Variants in RANBP2 observed in about 807,000 individuals in gnomAD.
RANBP2 encodes E3 SUMO-protein ligase RanBP2.
RANBP2 carries 57 observed loss-of-function variants against 303.6 expected under a neutral mutation model. The ratio of observed to expected loss-of-function variants is 0.19; its 90% CI spans 0.15 to 0.23. RANBP2 has a LOEUF of 0.23. Ranked by LOEUF, RANBP2 falls within the 10% of genes least tolerant of loss-of-function variation. The pLI, the probability that RANBP2 is intolerant of heterozygous loss-of-function variation, is 1.00. For synonymous variants in RANBP2, 1,167 were observed against 1,301.5 expected (o/e 0.90, Z 2.23); for missense variants, 3,138 against 3,780.8 (o/e 0.83, Z 4.46).
chr2:109,663,925 G>A, the RANBP2 span, among the ~76,000 whole-genome samples: 1 of 152,170 alleles, frequency 6.6e-6, no homozygotes, highest in African/African-American at 2.4e-5. Flanking sequence ...CCCAAATGTC[G>A]CTGGACAGTA....
the RANBP2 span, among the ~76,000 whole-genome samples, chr2:109,343,761 T>C: frequency 5.3e-5 from 8 of 151,650 alleles, no homozygotes; most frequent in African/African-American, 1.9e-4. Flanking sequence ...TTTTTTTTCT[T>C]AGACACAGGT....
chr2:109,241,226 C>A, the RANBP2 span, among the ~76,000 whole-genome samples: 2 of 149,804 alleles, frequency 1.3e-5, no homozygotes, highest in Admixed American at 6.7e-5. Flanking sequence ...GTTTGTTTGT[C>A]TCTTGACCTA....
chr2:109,648,782 T>G, the RANBP2 span, among the ~76,000 whole-genome samples: 1 of 151,470 alleles, frequency 6.6e-6, no homozygotes, highest in Non-Finnish European at 1.5e-5. Context: ...GCCTCCCGAG[T>G]AGCTGGGATT....
the RANBP2 span, among the ~76,000 whole-genome samples, chr2:109,546,877 AATAAAG>A: frequency 6.6e-6 from 1 of 152,314 alleles, no homozygotes; most frequent in African/African-American, 2.4e-5. Flanking sequence ...CTACATAGCC[AATAAAG>A]ATAAAGAATA....
At chr2:109,218,067 T>C in the RANBP2 span, among the ~76,000 whole-genome samples, 2 of 151,188 alleles carry the variant, frequency 1.3e-5, no homozygotes, top group African/African-American at 4.9e-5. Flanking sequence ...CGGGGAGGGG[T>C]GCTGTGTTGT....
At chr2:108,954,113 G>A in the RANBP2 span, among the ~76,000 whole-genome samples, 8 of 152,002 alleles carry the variant, frequency 5.3e-5, no homozygotes, top group Middle Eastern at 3.2e-3. Flanking sequence ...GAAAAGTAAC[G>A]CACCTTATCC....
chr2:109,080,730 C>A, the RANBP2 span, among the ~76,000 whole-genome samples: 1 of 152,150 alleles, frequency 6.6e-6, no homozygotes, highest in Non-Finnish European at 1.5e-5. Flanking sequence ...GGAGAAATGT[C>A]TAATATTAAA....
the RANBP2 span, among the ~76,000 whole-genome samples, chr2:109,706,032 C>T: frequency 6.6e-6 from 1 of 152,158 alleles, no homozygotes; most frequent in Non-Finnish European, 1.5e-5. Context: ...TTCTTAGATT[C>T]ATGCCCCACC....
chr2:109,348,675 A>T, the RANBP2 span, among the ~76,000 whole-genome samples: 1 of 152,094 alleles, frequency 6.6e-6, no homozygotes, highest in Admixed American at 6.5e-5. Flanking sequence ...CGTTTTCTCC[A>T]TGTGTAAACC....
chr2:109,296,324 T>C, the RANBP2 span, among the ~76,000 whole-genome samples: 1 of 152,050 alleles, frequency 6.6e-6, no homozygotes, highest in Non-Finnish European at 1.5e-5. Context: ...GCCTCCCAGG[T>C]TCAAGTGATT....
the RANBP2 span, among the ~76,000 whole-genome samples, chr2:109,403,390 A>C: frequency 2.0e-5 from 3 of 152,144 alleles, no homozygotes; most frequent in East Asian, 5.8e-4. Context: ...ACAGTGAGCC[A>C]ATTGTTCATT....
the RANBP2 span, among the ~76,000 whole-genome samples, chr2:109,151,138 G>A: frequency 1.3e-5 from 2 of 152,190 alleles, no homozygotes; most frequent in Admixed American, 1.3e-4. Context: ...TTGGGTTCTT[G>A]CTTATATTTG....
At position 108,783,976 on chromosome 2, in the gene RANBP2, T is replaced by TA; in HGVS notation, c.*76dup. 7.2e-7 allele frequency: 1 copy of TA among 1,386,378 alleles called. No homozygotes were observed. The highest frequency in any genetic ancestry group is 1.0e-6 in the Non-Finnish European group (1 of 1,001,646). The allele number at this position is 1,386,378 out of a possible 1,614,324, so 85.9% of individuals were successfully genotyped here. A position where few individuals can be genotyped will look rare whatever the true frequency, so the allele number is the denominator to read the frequency against. On this transcript the variant is annotated 3_prime_UTR_variant, in exon 29 of 29. Coordinates refer to ENST00000283195, the MANE Select transcript of RANBP2 (RefSeq NM_006267.5). ...AGCTTAGCTATTACAATTTGATAGT[T>TA]ATGTTCAGCTTTTGAAAATGGACGT...
chr2:109,633,783 T>C, the RANBP2 span, among the ~76,000 whole-genome samples: 1 of 152,132 alleles, frequency 6.6e-6, no homozygotes, highest in African/African-American at 2.4e-5. Context: ...GCATAGGTCA[T>C]TGTAAGAGAC....
At chr2:109,578,752 GT>G in the RANBP2 span, among the ~76,000 whole-genome samples, 1 of 151,416 alleles carries the variant, frequency 6.6e-6, no homozygotes, top group African/African-American at 2.4e-5. Flanking sequence ...GGCCAACAAA[GT>G]GAGATTCCAC....
chr2:108,743,985 T>G (rs980202502), intron 7 of RANBP2, among the ~76,000 whole-genome samples: 74 of 152,334 alleles, frequency 4.9e-4, no homozygotes, highest in East Asian at 9.6e-4. Flanking sequence ...ATTTGGGTAT[T>G]TAAGAATTGG....
chr2:109,553,002 C>T, the RANBP2 span: 12 of 1,509,018 alleles, frequency 8.0e-6, no homozygotes, highest in South Asian at 1.5e-4. Flanking sequence ...ACAAAAGAGT[C>T]TCAAGCAAAT....
the RANBP2 span, among the ~76,000 whole-genome samples, chr2:109,156,797 C>T: frequency 5.9e-5 from 9 of 152,216 alleles, no homozygotes; most frequent in South Asian, 8.3e-4. Flanking sequence ...GAGATAGAAA[C>T]GTAGGCTCTC....
intron 8 of RANBP2, among the ~76,000 whole-genome samples, chr2:108,748,087 G>T (rs1696649488): frequency 6.6e-6 from 1 of 152,024 alleles, no homozygotes; most frequent in South Asian, 2.1e-4. Context: ...ATTTAGCAAG[G>T]TTTTCAAGGT....
Sources: gnomAD v4.1 joint callset for allele counts (sites outside exome capture counted in the v4.1 genomes callset) on GRCh38, gnomAD v4.1.1 for gene constraint, MANE v1.5 for transcripts, NCBI Gene and HGNC (gene_info 2026-07-23, HGNC 2026-07-21) for gene names.